CAMKMT: variants seen among roughly 807,000 people sequenced by gnomAD.
CAMKMT encodes the protein calmodulin-lysine N-methyltransferase.
Under a neutral mutation model 48.0 loss-of-function variants are expected in CAMKMT, and 53 were observed. The ratio of observed to expected loss-of-function variants is 1.10; its 90% CI spans 0.89 to 1.39. The LOEUF is 1.39. Among genes scored for constraint, CAMKMT ranks in the 40% most tolerant of loss-of-function variants. CAMKMT has a pLI of 0.00. For missense variants in CAMKMT, 428 were observed against 402.7 expected, an observed-to-expected ratio of 1.06 and a Z score of -0.54; for synonymous variants, 165 against 152.3, an observed-to-expected ratio of 1.08 and a Z score of -0.61.
intron 6 of CAMKMT, among the ~76,000 whole-genome samples, chr2:44,714,709 A>T (rs1678073561): frequency 6.6e-6 from 1 of 152,132 alleles, no homozygotes; most frequent in South Asian, 2.1e-4. Context: ...CCTTTTAAGC[A>T]AGTAGGACAT....
At chr2:44,434,813 C>A (rs1221013722) in intron 3 of CAMKMT, among the ~76,000 whole-genome samples, 1 of 152,042 alleles carries the variant, frequency 6.6e-6, no homozygotes, top group Non-Finnish European at 1.5e-5. Context: ...AGGTTTCCAA[C>A]AAAAAATGGC....
chr2:44,750,924 A>G (rs992340759), intron 8 of CAMKMT, among the ~76,000 whole-genome samples: 13 of 152,112 alleles, frequency 8.5e-5, no homozygotes, highest in African/African-American at 2.9e-4. Context: ...GAGGCAGGAG[A>G]ATCGCTTGAA....
intron 3 of CAMKMT, among the ~76,000 whole-genome samples, chr2:44,614,765 T>G (rs1014326809): frequency 2.6e-5 from 4 of 151,864 alleles, no homozygotes; most frequent in African/African-American, 9.7e-5. Context: ...TGAAAGATGT[T>G]CCAAGCAGAA....
intron 3 of CAMKMT, among the ~76,000 whole-genome samples, chr2:44,556,784 A>T (rs1261897154): frequency 2.8e-5 from 4 of 143,490 alleles, no homozygotes; most frequent in Admixed American, 1.4e-4. Flanking sequence ...TTTTTTTTTT[A>T]AAGGATTAAT....
intron 7 of CAMKMT, among the ~76,000 whole-genome samples, chr2:44,716,181 T>C (rs1356253297): frequency 6.6e-6 from 1 of 152,202 alleles, no homozygotes; most frequent in African/African-American, 2.4e-5. Flanking sequence ...TCTTTATTAC[T>C]GTGAAGCTGT....
chr2:44,748,977 G>T (rs928481292), intron 8 of CAMKMT, among the ~76,000 whole-genome samples: 1 of 152,190 alleles, frequency 6.6e-6, no homozygotes, highest in African/African-American at 2.4e-5. Flanking sequence ...TGGCAAGTTT[G>T]TGTAGCACTT....
chr2:44,414,049 A>G (rs1284075613), intron 3 of CAMKMT, among the ~76,000 whole-genome samples: 1 of 152,160 alleles, frequency 6.6e-6, no homozygotes, highest in East Asian at 1.9e-4. Flanking sequence ...CCTTTTGACT[A>G]TACATTGGCA....
At chr2:44,743,534 A>C (rs948850354) in intron 7 of CAMKMT, 88 bp from the exon 8 acceptor site, 5 of 858,268 alleles carry the variant, frequency 5.8e-6, no homozygotes, top group African/African-American at 1.7e-5. Context: ...AATAATTTCA[A>C]GTGCCACAAA....
intron 3 of CAMKMT, among the ~76,000 whole-genome samples, chr2:44,513,574 T>C (rs192081907): frequency 7.4e-4 from 112 of 152,330 alleles, no homozygotes; most frequent in Middle Eastern, 3.4e-3. Flanking sequence ...TTTCAAGTTC[T>C]TGGTACACAA....
intron 3 of CAMKMT, among the ~76,000 whole-genome samples, chr2:44,615,045 T>A (rs56254887): frequency 0.58 from 85,738 of 146,878 alleles, 25,621 homozygotes; most frequent in Admixed American, 0.67. Context: ...CTGCCATCTC[T>A]GCCACCTGAG....
chr2:44,568,744 G>A (rs1045028160), intron 3 of CAMKMT, among the ~76,000 whole-genome samples: 1 of 152,186 alleles, frequency 6.6e-6, no homozygotes, highest in African/African-American at 2.4e-5. Context: ...GACATTGAAA[G>A]TACAAAGCTG....
chr2:44,652,626 A>G (rs2104044728), intron 3 of CAMKMT, among the ~76,000 whole-genome samples: 1 of 152,324 alleles, frequency 6.6e-6, no homozygotes, highest in East Asian at 1.9e-4. Flanking sequence ...CAAAGTAACA[A>G]GCGCATGCAC....
At chr2:44,497,074 T>C (rs890754932) in intron 3 of CAMKMT, among the ~76,000 whole-genome samples, 1 of 152,210 alleles carries the variant, frequency 6.6e-6, no homozygotes, top group African/African-American at 2.4e-5. Flanking sequence ...TTAGTTATTA[T>C]TCTTTTGTTA....
intron 3 of CAMKMT, among the ~76,000 whole-genome samples, chr2:44,450,848 A>T (rs1667251760): frequency 6.6e-6 from 1 of 152,100 alleles, no homozygotes; most frequent in East Asian, 1.9e-4. Flanking sequence ...GGGCTTTGAG[A>T]TTTAGAAATT....
intron 3 of CAMKMT, among the ~76,000 whole-genome samples, chr2:44,473,739 G>A (rs894610489): frequency 2.6e-5 from 4 of 152,182 alleles, no homozygotes; most frequent in Non-Finnish European, 5.9e-5. Context: ...GAATAAGTAT[G>A]GTAGAAACCC....
At chr2:44,540,139 C>T (rs1667016126) in intron 3 of CAMKMT, among the ~76,000 whole-genome samples, 1 of 124,770 alleles carries the variant, frequency 8.0e-6, no homozygotes, top group Admixed American at 9.5e-5. Context: ...CCCATTTTCC[C>T]TCTCTTATAT....
At chr2:44,704,655 A>G (rs965349289) in intron 4 of CAMKMT, among the ~76,000 whole-genome samples, 4 of 151,016 alleles carry the variant, frequency 2.6e-5, no homozygotes, top group African/African-American at 9.8e-5. Flanking sequence ...GTGAAGCTCC[A>G]ATCAATCCTT....
At chr2:44,569,314 A>G (rs553596453) in intron 3 of CAMKMT, among the ~76,000 whole-genome samples, 1 of 152,352 alleles carries the variant, frequency 6.6e-6, no homozygotes, top group African/African-American at 2.4e-5. Context: ...TGCAAATATC[A>G]TCGGCTTCTT....
chr2:44,565,956 C>G (rs1184181169), intron 3 of CAMKMT, among the ~76,000 whole-genome samples: 2 of 152,184 alleles, frequency 1.3e-5, no homozygotes, highest in African/African-American at 2.4e-5. Context: ...GTTTGTGTAA[C>G]CGCACATGCA....
Sources: allele counts gnomAD v4.1 joint callset (sites outside exome capture counted in the v4.1 genomes callset), GRCh38; gene constraint gnomAD v4.1.1; transcripts MANE v1.5; gene names NCBI Gene and HGNC (gene_info 2026-07-23, HGNC 2026-07-21).